Variants in GRID2 observed in about 807,000 individuals in gnomAD.
GRID2 encodes the protein glutamate receptor ionotropic, delta-2.
GRID2 carries 33 observed loss-of-function variants against 114.8 expected under a neutral mutation model. That is an observed-to-expected ratio of 0.29 (90% confidence interval 0.22 to 0.38). The LOEUF is 0.38. Ranked by LOEUF, GRID2 falls within the 10% of genes least tolerant of loss-of-function variation. The pLI is 1.00. For synonymous variants in GRID2, 505 were observed against 449.9 expected, an observed-to-expected ratio of 1.12 and a Z score of -1.55; for missense variants, 1,184 against 1,257.7, an observed-to-expected ratio of 0.94 and a Z score of 0.89.
intron 2 of GRID2, among the ~76,000 whole-genome samples, chr4:92,870,859 T>A (rs114163799): frequency 0.015 from 2,244 of 152,282 alleles, 58 homozygotes; most frequent in African/African-American, 0.051. Flanking sequence ...TTATATATTG[T>A]GTTTATAACT....
intron 1 of GRID2, among the ~76,000 whole-genome samples, chr4:92,339,905 A>G (rs1727387527): frequency 6.6e-6 from 1 of 152,204 alleles, no homozygotes; most frequent in South Asian, 2.1e-4. Flanking sequence ...AGAAAGAAGA[A>G]TGCAAATCAC....
At chr4:93,649,108 C>T (rs1168820646) in intron 14 of GRID2, among the ~76,000 whole-genome samples, 2 of 152,090 alleles carry the variant, frequency 1.3e-5, no homozygotes, top group East Asian at 3.9e-4. Context: ...CTTGATCAAC[C>T]ATGATATCAT....
chr4:92,344,078 A>T (rs1279285787), intron 1 of GRID2, among the ~76,000 whole-genome samples: 3 of 152,184 alleles, frequency 2.0e-5, no homozygotes, highest in Non-Finnish European at 4.4e-5. Flanking sequence ...AAATCTGCAT[A>T]TAAGTGGATC....
intron 8 of GRID2, among the ~76,000 whole-genome samples, chr4:93,387,685 C>T (rs1764453924): frequency 6.6e-6 from 1 of 152,002 alleles, no homozygotes; most frequent in Admixed American, 6.6e-5. Context: ...CAAAAATTAG[C>T]CAGGTATGGT....
chr4:93,587,436 T>G (rs1456828893), intron 13 of GRID2, among the ~76,000 whole-genome samples: 1 of 152,138 alleles, frequency 6.6e-6, no homozygotes, highest in Non-Finnish European at 1.5e-5. Flanking sequence ...ACCTGTAATT[T>G]TTGCTGATAG....
intron 2 of GRID2, among the ~76,000 whole-genome samples, chr4:93,077,424 T>A (rs1035630236): frequency 5.9e-5 from 9 of 152,196 alleles, no homozygotes; most frequent in African/African-American, 2.2e-4. Context: ...CTTACTTTTA[T>A]GGGATATAAT....
At chr4:92,921,809 G>T (rs1419303771) in intron 2 of GRID2, among the ~76,000 whole-genome samples, 1 of 152,222 alleles carries the variant, frequency 6.6e-6, no homozygotes, top group Non-Finnish European at 1.5e-5. Flanking sequence ...CCCACTTGAG[G>T]AGGCAGTCTG....
intron 4 of GRID2, among the ~76,000 whole-genome samples, chr4:93,151,890 G>A (rs1214990555): frequency 6.6e-6 from 1 of 152,032 alleles, no homozygotes; most frequent in African/African-American, 2.4e-5. Flanking sequence ...GTTGAGTTCT[G>A]AAATTCTTAA....
intron 10 of GRID2, among the ~76,000 whole-genome samples, chr4:93,431,567 T>C (rs192333148): frequency 1.3e-5 from 2 of 152,254 alleles, no homozygotes; most frequent in East Asian, 3.9e-4. Flanking sequence ...CCAGAACTCT[T>C]TTGGTAGCAT....
chr4:93,577,856 TAACTC>T (rs1460990916), intron 13 of GRID2, among the ~76,000 whole-genome samples: 1 of 152,214 alleles, frequency 6.6e-6, no homozygotes, highest in African/African-American at 2.4e-5. Context: ...AATATCTACT[TAACTC>T]AGGTCATATT....
intron 14 of GRID2, among the ~76,000 whole-genome samples, chr4:93,742,376 A>C (rs980932103): frequency 3.3e-5 from 5 of 152,188 alleles, no homozygotes; most frequent in African/African-American, 1.2e-4. Flanking sequence ...TATTCTGAGG[A>C]TGAAATTAAA....
intron 1 of GRID2, among the ~76,000 whole-genome samples, chr4:92,322,289 T>C (rs1393498298): frequency 6.6e-6 from 1 of 152,048 alleles, no homozygotes; most frequent in East Asian, 1.9e-4. Flanking sequence ...TAGGGCTGAT[T>C]CTGATGTTTA....
intron 13 of GRID2, among the ~76,000 whole-genome samples, chr4:93,567,327 C>T (rs1342176812): frequency 6.6e-6 from 1 of 152,108 alleles, no homozygotes; most frequent in Admixed American, 6.6e-5. Context: ...ACCTTTTAAA[C>T]AATTTAAGTT....
chr4:93,775,843 A>G (rs770350455), downstream of GRID2, among the ~76,000 whole-genome samples: 16 of 152,278 alleles, frequency 1.1e-4, no homozygotes, highest in Non-Finnish European at 2.1e-4. Context: ...CATGTTCGTG[A>G]TCATGTTATT....
At chr4:93,626,842 C>T (rs1016602031) in intron 14 of GRID2, among the ~76,000 whole-genome samples, 1 of 152,136 alleles carries the variant, frequency 6.6e-6, no homozygotes, top group Non-Finnish European at 1.5e-5. Context: ...CAAGTTAAAG[C>T]TCTGATGGAC....
At chr4:92,546,555 C>T (rs772196131) in intron 1 of GRID2, among the ~76,000 whole-genome samples, 16 of 152,096 alleles carry the variant, frequency 1.1e-4, no homozygotes, top group Middle Eastern at 3.4e-3. Context: ...TGTGTGTGTG[C>T]GCGCGCGTGT....
chr4:93,544,100 A>G (rs1023539026), intron 13 of GRID2, among the ~76,000 whole-genome samples: 1 of 152,142 alleles, frequency 6.6e-6, no homozygotes, highest in Non-Finnish European at 1.5e-5. Context: ...AGGAAATTGG[A>G]TATAGATTGC....
At chr4:93,289,201 T>C (rs1398519757) in intron 8 of GRID2, among the ~76,000 whole-genome samples, 5 of 152,204 alleles carry the variant, frequency 3.3e-5, no homozygotes, top group Admixed American at 1.3e-4. Flanking sequence ...GATTAACTAG[T>C]AGTCGTTTTG....
In GRID2 at chr4:93,586,768, A is replaced by T. The variant is rs57604003; in HGVS notation, c.2194-39501A>T. Among the ~76,000 whole-genome samples, 863 of 152,168 alleles carry T rather than the reference A, an allele frequency of 5.7e-3. 12 individuals are homozygous for T. The highest frequency in any genetic ancestry group is 0.019 in the African/African-American group (793 of 41,538). ...CTGTTGCTGAATTGAAACTTGTAAG[A>T]TCAGGACACAAAGGCTGTTGATGAT... On this transcript the variant is annotated intron_variant, in intron 13 of 15. Transcript: ENST00000282020.
Sources: gnomAD v4.1 joint callset for allele counts (sites outside exome capture counted in the v4.1 genomes callset) on GRCh38, gnomAD v4.1.1 for gene constraint, MANE v1.5 for transcripts, NCBI Gene and HGNC (gene_info 2026-07-23, HGNC 2026-07-21) for gene names.